KCNIP4: variants seen among roughly 807,000 people sequenced by gnomAD.
KCNIP4 encodes potassium voltage-gated channel interacting protein 4, also known as Kv channel-interacting protein 4.
A neutral mutation model predicts 34.0 loss-of-function variants in KCNIP4; 12 were observed. The ratio of observed to expected loss-of-function variants is 0.35; its 90% CI spans 0.23 to 0.57. The LOEUF is 0.57. Among genes scored for constraint, KCNIP4 ranks in the 20% least tolerant of loss-of-function variants. The probability of loss-of-function intolerance (pLI) is 0.83; values close to 1 mark genes in which losing one functional copy is unlikely to be tolerated. For synonymous variants in KCNIP4, 124 were observed against 102.2 expected, an observed-to-expected ratio of 1.21 and a Z score of -1.29; for missense variants, 238 against 311.7, an observed-to-expected ratio of 0.76 and a Z score of 1.78.
chr4:21,334,311 A>G (rs374523261), intron 1 of KCNIP4, among the ~76,000 whole-genome samples: 1 of 152,014 alleles, frequency 6.6e-6, no homozygotes, highest in African/African-American at 2.4e-5. Flanking sequence ...CCCACTATGT[A>G]CTAAGATCTC....
chr4:21,248,181 T>C (rs1394777958), intron 1 of KCNIP4, among the ~76,000 whole-genome samples: 2 of 151,702 alleles, frequency 1.3e-5, no homozygotes, highest in Non-Finnish European at 2.9e-5. Context: ...AGAGCAACCA[T>C]ACTCAGGCGT....
At chr4:20,826,868 G>T (rs1400143996) in intron 3 of KCNIP4, among the ~76,000 whole-genome samples, 1 of 152,168 alleles carries the variant, frequency 6.6e-6, no homozygotes, top group African/African-American at 2.4e-5. Flanking sequence ...CTAAAAGTGA[G>T]AAGGACAGAT....
chr4:20,858,080 G>T (rs1023142628), intron 2 of KCNIP4, among the ~76,000 whole-genome samples: 4 of 151,532 alleles, frequency 2.6e-5, no homozygotes, highest in Non-Finnish European at 5.9e-5. Context: ...GTGTTGTGGT[G>T]GGTGCCTGTA....
chr4:20,912,253 C>T (rs370127338), intron 1 of KCNIP4, among the ~76,000 whole-genome samples: 1 of 152,012 alleles, frequency 6.6e-6, no homozygotes, highest in South Asian at 2.1e-4. Flanking sequence ...AAAATTATCT[C>T]CATTTGCAAA....
At chr4:20,827,310 G>T (rs565298190) in intron 3 of KCNIP4, among the ~76,000 whole-genome samples, 1 of 152,244 alleles carries the variant, frequency 6.6e-6, no homozygotes, top group African/African-American at 2.4e-5. Flanking sequence ...TAAGAGCAAG[G>T]CATGGACGGG....
chr4:21,131,329 A>G (rs549307797), intron 1 of KCNIP4, among the ~76,000 whole-genome samples: 3 of 152,338 alleles, frequency 2.0e-5, no homozygotes, highest in Admixed American at 6.5e-5. Flanking sequence ...ATACATTTAC[A>G]TATAGAACTA....
chr4:20,781,539 C>T (rs993324360), intron 3 of KCNIP4, among the ~76,000 whole-genome samples: 8 of 152,230 alleles, frequency 5.3e-5, no homozygotes, highest in East Asian at 1.9e-4. Flanking sequence ...AGGCAGAAGG[C>T]ACTTCTTACA....
chr4:21,630,146 G>A (rs1326513866), intron 1 of KCNIP4, among the ~76,000 whole-genome samples: 1 of 150,460 alleles, frequency 6.6e-6, no homozygotes, highest in Non-Finnish European at 1.5e-5. Context: ...TTACAGGTGT[G>A]AGCCACCATA....
At chr4:21,692,646 T>C (rs1577856687) in intron 1 of KCNIP4, among the ~76,000 whole-genome samples, 1 of 152,094 alleles carries the variant, frequency 6.6e-6, no homozygotes, top group Admixed American at 6.5e-5. Context: ...AAATTTTACA[T>C]GATGCTTTAA....
chr4:21,107,591 C>G (rs1377011841), intron 1 of KCNIP4, among the ~76,000 whole-genome samples: 6 of 148,474 alleles, frequency 4.0e-5, no homozygotes, highest in Admixed American at 6.7e-5. Context: ...AGCATTTAGT[C>G]CATTTACATT....
chr4:20,851,136 C>A (rs971660386), intron 2 of KCNIP4, among the ~76,000 whole-genome samples: 2 of 152,070 alleles, frequency 1.3e-5, no homozygotes, highest in Non-Finnish European at 2.9e-5. Context: ...ACAGATCATC[C>A]CATCGCCCAG....
intron 3 of KCNIP4, among the ~76,000 whole-genome samples, chr4:20,816,543 C>G (rs1716414679): frequency 6.6e-6 from 1 of 152,164 alleles, no homozygotes; most frequent in African/African-American, 2.4e-5. Context: ...CAACTCGCAT[C>G]ATTACAATTT....
chr4:21,327,246 T>A (rs1290711834), intron 1 of KCNIP4, among the ~76,000 whole-genome samples: 1 of 152,156 alleles, frequency 6.6e-6, no homozygotes, highest in Non-Finnish European at 1.5e-5. Context: ...GTGGTGTTGA[T>A]AACATTCCTC....
Position 20,732,007 on chromosome 4 carries a change from T to G in KCNIP4, c.704A>C (p.Lys235Thr). ...TIDEFIESCQ[K>T]DENIMRSMQL... ...AGTTATTACACTTTCATTACTTACT[T>G]TTTGGCAGCTTTCAATGAACTCATC... Residue 235 changes from lysine (K) to threonine (T), a missense_variant and splice_region_variant, in exon 8 of 9, where the codon AAA becomes ACA. Lys to Thr is a moderately conservative substitution (Grantham distance 78). Transcript: ENST00000382152. The G allele has an allele frequency of 6.2e-7, 1 of 1,613,446 alleles. No homozygotes were observed. Among genetic ancestry groups the G allele is most frequent in the Non-Finnish European group, 8.5e-7 (1 of 1,179,762 alleles).
rs577346493 is a variant in KCNIP4, at chr4:20,807,987, G to A, written c.288+42556C>T. Reference sequence around the variant, plus strand: ...TGACAACATTCCTAAAAACAATGTAGTGAAGGCAGTTTTAGAGAACTTGAG... The same window carrying A: ...TGACAACATTCCTAAAAACAATGTAATGAAGGCAGTTTTAGAGAACTTGAG... On this transcript the variant is annotated intron_variant, in intron 3 of 8. Transcript: ENST00000382152. Among the ~76,000 whole-genome samples, 151 of 152,262 alleles carry A rather than the reference G, an allele frequency of 9.9e-4. 1 individual carries two copies. In the South Asian group the frequency reaches 0.019, roughly 19 times the overall value.
intron 1 of KCNIP4, among the ~76,000 whole-genome samples, chr4:21,565,653 C>T (rs1739823956): frequency 6.6e-6 from 1 of 152,130 alleles, no homozygotes; most frequent in Non-Finnish European, 1.5e-5. Flanking sequence ...CAATGACATT[C>T]ATTACAGATT....
chr4:21,378,840 A>T (rs2109466363), intron 1 of KCNIP4, among the ~76,000 whole-genome samples: 1 of 152,266 alleles, frequency 6.6e-6, no homozygotes, highest in South Asian at 2.1e-4. Flanking sequence ...AGAGCAAGAC[A>T]CCTTTATACA....
chr4:21,147,376 A>T (rs1752436443), intron 1 of KCNIP4, among the ~76,000 whole-genome samples: 1 of 152,128 alleles, frequency 6.6e-6, no homozygotes, highest in Non-Finnish European at 1.5e-5. Context: ...CAACCTTTGT[A>T]AATAGTTCCT....
intron 1 of KCNIP4, among the ~76,000 whole-genome samples, chr4:21,509,976 G>A (rs1304992229): frequency 3.3e-5 from 5 of 151,220 alleles, no homozygotes; most frequent in African/African-American, 1.2e-4. Context: ...AAATTAGCTG[G>A]GTGTGGTGGC....
Sources: allele counts gnomAD v4.1 joint callset (sites outside exome capture counted in the v4.1 genomes callset), GRCh38; gene constraint gnomAD v4.1.1; transcripts MANE v1.5; gene names NCBI Gene and HGNC (gene_info 2026-07-23, HGNC 2026-07-21).